MCOLN2: variants seen among roughly 807,000 people sequenced by gnomAD.
MCOLN2 encodes the protein mucolipin-2.
In MCOLN2, 57 loss-of-function variants were observed where a neutral mutation model predicts 67.5. That is an observed-to-expected ratio of 0.84 (90% CI 0.68 to 1.05). MCOLN2 has a LOEUF of 1.05. MCOLN2 is among the 50% of genes least tolerant of loss of function. MCOLN2 has a pLI of 0.00. For synonymous variants in MCOLN2, 246 were observed against 233.3 expected, an observed-to-expected ratio of 1.05 and a Z score of -0.50; for missense variants, 620 against 678.8, an observed-to-expected ratio of 0.91 and a Z score of 0.96.
intron 2 of MCOLN2, among the ~76,000 whole-genome samples, chr1:84,962,705 C>T (rs561099373): frequency 6.6e-6 from 1 of 152,242 alleles, no homozygotes; most frequent in East Asian, 1.9e-4. Flanking sequence ...GACGAACAAA[C>T]AAGATGTGGA....
At chr1:84,937,935 A>G in intron 10 of MCOLN2, 46 bp downstream of exon 10, 1 of 1,613,562 alleles carries the variant, frequency 6.2e-7, no homozygotes, top group Non-Finnish European at 8.5e-7. Context: ...CCCAAAGAAT[A>G]AATGAGTCTC....
chr1:84,994,772 G>C (rs535828513), intron 1 of MCOLN2, among the ~76,000 whole-genome samples: 41 of 152,148 alleles, frequency 2.7e-4, no homozygotes, highest in Non-Finnish European at 4.6e-4. Context: ...ATTTTCACTG[G>C]AGTAGCACTT....
intron 1 of MCOLN2, among the ~76,000 whole-genome samples, chr1:84,986,773 C>A (rs562520085): frequency 6.6e-6 from 1 of 151,982 alleles, no homozygotes; most frequent in Admixed American, 6.6e-5. Context: ...AACAGACATA[C>A]GAAAAAATGC....
At chr1:84,947,863 C>A (rs970421245) in intron 6 of MCOLN2, among the ~76,000 whole-genome samples, 1 of 152,260 alleles carries the variant, frequency 6.6e-6, no homozygotes, top group African/African-American at 2.4e-5. Context: ...AACACCATGA[C>A]ACTGGCTGCC....
At chr1:84,990,386 A>T (rs911684251) in intron 1 of MCOLN2, among the ~76,000 whole-genome samples, 2 of 151,606 alleles carry the variant, frequency 1.3e-5, no homozygotes, top group Admixed American at 1.3e-4. Context: ...ACATGTATAC[A>T]TATGTAACTA....
intron 13 of MCOLN2, 135 bp downstream of exon 13, chr1:84,929,423 G>A: frequency 2.0e-6 from 2 of 1,013,808 alleles, no homozygotes; most frequent in Middle Eastern, 2.4e-4. Flanking sequence ...ATTTCAGTGG[G>A]AGGAAAGAAA....
intron 12 of MCOLN2, among the ~76,000 whole-genome samples, chr1:84,930,349 G>A (rs1661349998): frequency 2.0e-5 from 3 of 151,804 alleles, no homozygotes. Context: ...CATTGGCAAT[G>A]TAGACTCTGC....
rs770309889 is a variant in MCOLN2, at chr1:84,931,422, A to G, written c.1482T>C (p.Phe494=). Residue 494 remains phenylalanine, a synonymous_variant, in exon 12 of 14, where the codon TTT becomes TTC. Coordinates refer to ENST00000370608, the MANE Select transcript of MCOLN2 (RefSeq NM_153259.4). ...TAAAAAGACTGAGAATCATATATAT[A>G]AAAAGGCTGATGAAGGAATATAAAT... ...RLYLYSFISL[F]IYMILSLFIA... 1.9e-6 allele frequency: 3 copies of G among 1,600,752 alleles called. No individual in the cohort carries two copies. The highest frequency in any genetic ancestry group is 1.3e-5 in the African/African-American group (1 of 74,630).
At chr1:84,966,170 T>C (rs1439014985) in intron 1 of MCOLN2, among the ~76,000 whole-genome samples, 1 of 152,048 alleles carries the variant, frequency 6.6e-6, no homozygotes, top group East Asian at 1.9e-4. Context: ...GAGAATTGCT[T>C]GAACCCAGGA....
At chr1:84,952,739 A>T (rs772437951) in intron 4 of MCOLN2, among the ~76,000 whole-genome samples, 4 of 152,246 alleles carry the variant, frequency 2.6e-5, no homozygotes, top group Non-Finnish European at 4.4e-5. Flanking sequence ...CCAAGTGATC[A>T]GTTACATCAC....
intron 1 of MCOLN2, among the ~76,000 whole-genome samples, chr1:84,991,212 G>A (rs1181135474): frequency 2.0e-5 from 3 of 152,216 alleles, no homozygotes; most frequent in Non-Finnish European, 2.9e-5. Flanking sequence ...GTTTGTGCAC[G>A]ACTGGTTTGG....
At chr1:84,976,534 G>A (rs1226965236) in intron 1 of MCOLN2, among the ~76,000 whole-genome samples, 5 of 152,150 alleles carry the variant, frequency 3.3e-5, no homozygotes, top group East Asian at 3.8e-4. Context: ...TTGGGAGGCC[G>A]AGGTGGGTGG....
In MCOLN2 at chr1:84,996,844, TG is replaced by T. The variant is rs748190234; in HGVS notation, c.28del (p.Gln10ArgfsTer14). 3.2e-5 allele frequency: 51 copies of T among 1,613,982 alleles called. No individual in the cohort carries two copies. The highest frequency in any genetic ancestry group is 4.2e-6 in the Non-Finnish European group (5 of 1,179,992). ...TGATCCTCTCTCCGGAATCCTTGCCTGGGGAAAACGATAAGGCTGCCGGGCC... is the reference window on the plus strand; with the variant it reads ...TGATCCTCTCTCCGGAATCCTTGCCTGGGAAAACGATAAGGCTGCCGGGCC... MARQPYRFP[Q>X]ARIPERGSGV... On this transcript the variant is annotated frameshift_variant, in exon 1 of 14. Coordinates refer to ENST00000370608, the MANE Select transcript of MCOLN2 (RefSeq NM_153259.4). LOFTEE classifies it high-confidence loss of function.
At chr1:84,934,803 A>G (rs903196729) in intron 11 of MCOLN2, among the ~76,000 whole-genome samples, 8 of 152,218 alleles carry the variant, frequency 5.3e-5, no homozygotes, top group African/African-American at 1.9e-4. Context: ...GCATTTTGAA[A>G]GGGCACTGTG....
chr1:84,952,680 A>G (rs143092952), intron 4 of MCOLN2, 150 bp from the exon 5 acceptor site: 45 of 616,088 alleles, frequency 7.3e-5, no homozygotes, highest in East Asian at 5.2e-4. Flanking sequence ...GAAAAATGAT[A>G]GTAACCTCAC....
intron 2 of MCOLN2, among the ~76,000 whole-genome samples, chr1:84,959,386 C>T (rs897151810): frequency 1.3e-5 from 2 of 152,158 alleles, no homozygotes; most frequent in Admixed American, 6.5e-5. Context: ...CACTTATTCT[C>T]CCTTTCACTG....
At chr1:84,976,285 C>T (rs1649991041) in intron 1 of MCOLN2, among the ~76,000 whole-genome samples, 1 of 118,730 alleles carries the variant, frequency 8.4e-6, no homozygotes, top group African/African-American at 3.1e-5. Flanking sequence ...ATCCTAAAAG[C>T]AGCAAGATAA....
At chr1:84,940,032 C>G (rs1226080305) in intron 8 of MCOLN2, among the ~76,000 whole-genome samples, 1 of 152,086 alleles carries the variant, frequency 6.6e-6, no homozygotes, top group Non-Finnish European at 1.5e-5. Context: ...CAGGTACGAG[C>G]AGGTCTATCA....
intron 1 of MCOLN2, among the ~76,000 whole-genome samples, chr1:84,970,607 C>T (rs919381400): frequency 6.6e-6 from 1 of 152,088 alleles, no homozygotes; most frequent in African/African-American, 2.4e-5. Flanking sequence ...AGCTTGATCT[C>T]AGGAGGCAGA....
Sources: allele counts gnomAD v4.1 joint callset (sites outside exome capture counted in the v4.1 genomes callset), GRCh38; gene constraint gnomAD v4.1.1; transcripts MANE v1.5; gene names NCBI Gene and HGNC (gene_info 2026-07-23, HGNC 2026-07-21).